The following NEGR1 variants were observed in gnomAD, a reference collection of about 807,000 sequenced individuals.
NEGR1 encodes the protein IgLON family member 4.
A neutral mutation model predicts 40.9 loss-of-function variants in NEGR1; 10 were observed. The observed-to-expected ratio is 0.24, with a 90% CI of 0.15 to 0.42. The LOEUF is 0.42. NEGR1 is among the 10% of genes least tolerant of loss of function. NEGR1 has a pLI of 1.00. For synonymous variants in NEGR1, 185 were observed against 166.8 expected, an observed-to-expected ratio of 1.11 and a Z score of -0.84; for missense variants, 352 against 438.9, an observed-to-expected ratio of 0.80 and a Z score of 1.77.
chr1:71,639,176 T>A (rs1318073264), intron 4 of NEGR1, among the ~76,000 whole-genome samples: 2 of 147,958 alleles, frequency 1.4e-5, no homozygotes, highest in Non-Finnish European at 3.0e-5. Context: ...AGAATACTTC[T>A]GCATATTTGA....
intron 3 of NEGR1, among the ~76,000 whole-genome samples, chr1:71,753,636 C>A (rs1655639529): frequency 6.6e-6 from 1 of 152,058 alleles, no homozygotes. Context: ...AGATTTCTCC[C>A]CTGAATTTTC....
At chr1:72,134,299 G>A (rs949424947) in intron 1 of NEGR1, among the ~76,000 whole-genome samples, 2 of 149,806 alleles carry the variant, frequency 1.3e-5, no homozygotes, top group African/African-American at 2.5e-5. Context: ...TCCACCTCCC[G>A]GGTTCACGCC....
chr1:72,053,775 C>A (rs1387333183), intron 1 of NEGR1, among the ~76,000 whole-genome samples: 1 of 150,864 alleles, frequency 6.6e-6, no homozygotes, highest in Admixed American at 6.6e-5. Flanking sequence ...TAGAGACTTA[C>A]CTAATAGTAC....
rs553625479 is a variant in NEGR1, at chr1:72,094,360, T to C, written c.177-159049A>G. Among the ~76,000 whole-genome samples, 263 of 152,292 alleles carry C rather than the reference T, an allele frequency of 1.7e-3. 2 individuals are homozygous for C. The highest frequency in any genetic ancestry group is 6.1e-3 in the African/African-American group (254 of 41,572). On this transcript the variant is annotated intron_variant, in intron 1 of 6. Transcript: ENST00000357731. ...GCCAGAGAAAAAGTGGGAAAGAGTA[T>C]GGCTTACAGAGGAAATAACTTGTGC...
intron 4 of NEGR1, among the ~76,000 whole-genome samples, chr1:71,658,100 C>CA (rs1651934682): frequency 6.6e-6 from 1 of 152,150 alleles, no homozygotes; most frequent in Admixed American, 6.6e-5. Context: ...TCTATGCATT[C>CA]AAAATATCAT....
chr1:72,146,027 CTCTTT>C (rs1650895505), intron 1 of NEGR1, among the ~76,000 whole-genome samples: 1 of 151,952 alleles, frequency 6.6e-6, no homozygotes, highest in Non-Finnish European at 1.5e-5. Flanking sequence ...TATTTCTCTC[CTCTTT>C]TCTTTTGGCT....
At chr1:72,161,736 G>A (rs1279623160) in intron 1 of NEGR1, among the ~76,000 whole-genome samples, 2 of 130,386 alleles carry the variant, frequency 1.5e-5, no homozygotes, top group Non-Finnish European at 3.1e-5. Context: ...CTGGTGTGCA[G>A]TGGCAGATCT....
chr1:72,253,018 A>T (rs943279047), intron 1 of NEGR1, among the ~76,000 whole-genome samples: 1 of 152,188 alleles, frequency 6.6e-6, no homozygotes, highest in African/African-American at 2.4e-5. Context: ...GCCTCAAGAA[A>T]TAGTTTGATA....
At chr1:71,624,034 A>G (rs774172621) in intron 4 of NEGR1, among the ~76,000 whole-genome samples, 32 of 151,862 alleles carry the variant, frequency 2.1e-4, no homozygotes, top group Non-Finnish European at 4.3e-4. Flanking sequence ...TTTGCTCAGA[A>G]ATGCAGCTGA....
chr1:72,209,336 A>G (rs180720378), intron 1 of NEGR1, among the ~76,000 whole-genome samples: 10 of 151,798 alleles, frequency 6.6e-5, no homozygotes, highest in African/African-American at 2.4e-4. Context: ...GATCTTTGTC[A>G]TATCTCCTTG....
intron 2 of NEGR1, among the ~76,000 whole-genome samples, chr1:71,807,501 A>G (rs1379660436): frequency 6.6e-6 from 1 of 152,218 alleles, no homozygotes; most frequent in Non-Finnish European, 1.5e-5. Flanking sequence ...GTGATACTAC[A>G]TTCCAAATCT....
At chr1:71,860,956 G>A (rs577702681) in intron 2 of NEGR1, among the ~76,000 whole-genome samples, 4 of 152,154 alleles carry the variant, frequency 2.6e-5, no homozygotes, top group African/African-American at 9.6e-5. Flanking sequence ...GTAACCAACA[G>A]TGAGAAGAGG....
At chr1:71,980,343 T>C (rs149747558) in intron 1 of NEGR1, among the ~76,000 whole-genome samples, 2 of 152,330 alleles carry the variant, frequency 1.3e-5, no homozygotes, top group East Asian at 3.9e-4. Flanking sequence ...CATTCTCTTA[T>C]GCACTGCATT....
intron 6 of NEGR1, among the ~76,000 whole-genome samples, chr1:71,555,096 T>C (rs116920845): frequency 6.6e-6 from 1 of 151,636 alleles, no homozygotes; most frequent in East Asian, 2.0e-4. Context: ...AGACAATGAG[T>C]TACTAACTTT....
At chr1:71,860,145 T>C (rs1378601765) in intron 2 of NEGR1, among the ~76,000 whole-genome samples, 1 of 151,740 alleles carries the variant, frequency 6.6e-6, no homozygotes, top group Non-Finnish European at 1.5e-5. Flanking sequence ...CATAGCTTTA[T>C]GGTATATGTG....
chr1:71,643,859 T>A (rs375253401), intron 4 of NEGR1, among the ~76,000 whole-genome samples: 15 of 152,136 alleles, frequency 9.9e-5, no homozygotes, highest in Admixed American at 8.5e-4. Flanking sequence ...TTAGCTTTCC[T>A]ATGGATTTTG....
At chr1:71,428,327 G>T (rs1407211611) in intron 6 of NEGR1, among the ~76,000 whole-genome samples, 1 of 152,158 alleles carries the variant, frequency 6.6e-6, no homozygotes, top group African/African-American at 2.4e-5. Flanking sequence ...GGCAGTCTGT[G>T]TTAAGTCTCA....
At chr1:71,657,457 C>T (rs997166859) in intron 4 of NEGR1, among the ~76,000 whole-genome samples, 2 of 152,110 alleles carry the variant, frequency 1.3e-5, no homozygotes, top group African/African-American at 2.4e-5. Context: ...TCGGAAGTCA[C>T]AAAGATGCTC....
chr1:71,423,343 TC>T, intron 6 of NEGR1, among the ~76,000 whole-genome samples: 1 of 152,210 alleles, frequency 6.6e-6, no homozygotes, highest in Non-Finnish European at 1.5e-5. Flanking sequence ...TGCTGTGAGC[TC>T]TAATTGCACC....
Sources: gnomAD v4.1 joint callset for allele counts (sites outside exome capture counted in the v4.1 genomes callset) on GRCh38, gnomAD v4.1.1 for gene constraint, MANE v1.5 for transcripts, NCBI Gene and HGNC (gene_info 2026-07-23, HGNC 2026-07-21) for gene names.